Variants in HHIPL2 observed in about 807,000 individuals in gnomAD.
The protein encoded by HHIPL2 is HHIP-like protein 2.
A neutral mutation model predicts 61.0 loss-of-function variants in HHIPL2; 61 were observed. That is an observed-to-expected ratio of 1.00 (90% CI 0.81 to 1.24). HHIPL2 has a LOEUF of 1.24. Among genes scored for constraint, HHIPL2 ranks in the 50% most tolerant of loss-of-function variants. The pLI is 0.00. For synonymous variants in HHIPL2, 343 were observed against 357.4 expected (o/e 0.96, Z 0.45); for missense variants, 885 against 910.2 (o/e 0.97, Z 0.36).
rs748614628 is a variant in HHIPL2, at chr1:222,523,693, G to C, written c.1807C>G (p.Arg603Gly). Residue 603 changes from arginine (R) to glycine (G), a missense_variant and splice_region_variant, in exon 8 of 9, where the codon CGA (arginine) becomes GGA (glycine). Coordinates refer to ENST00000343410, the MANE Select transcript of HHIPL2 (RefSeq NM_024746.4). Reference sequence around the variant, plus strand: ...TATTTGCACTTGCCTGGGGGTGCTCGCCTAAAAACACAAACAGAAAGCATG... The same window carrying C: ...TATTTGCACTTGCCTGGGGGTGCTCCCCTAAAAACACAAACAGAAAGCATG... ...SIYKFVDPSR[R>G]APPGKCKYKP... The C allele has an allele frequency of 6.2e-7, 1 of 1,614,006 alleles. No homozygotes were observed. Among genetic ancestry groups the C allele is most frequent in the Admixed American group, 1.7e-5 (1 of 60,000 alleles).
chr1:222,531,296 C>T (rs974199998), intron 6 of HHIPL2, among the ~76,000 whole-genome samples: 2 of 152,200 alleles, frequency 1.3e-5, no homozygotes, highest in Admixed American at 6.5e-5. Flanking sequence ...CATAAACACC[C>T]GCTGCCCATT....
At chr1:222,537,267 TC>T (rs992359649) in intron 5 of HHIPL2, among the ~76,000 whole-genome samples, 28 of 151,486 alleles carry the variant, frequency 1.8e-4, no homozygotes, top group Non-Finnish European at 3.2e-4. Flanking sequence ...AAAGAAAATG[TC>T]CCCAGCCTGA....
intron 6 of HHIPL2, 66 bp from the exon 7 acceptor site, chr1:222,527,116 G>T: frequency 7.8e-7 from 1 of 1,274,166 alleles, no homozygotes; most frequent in Non-Finnish European, 1.1e-6. Flanking sequence ...AGAGTTGGAT[G>T]CACAGAAAAT....
At position 222,542,104 on chromosome 1, in the gene HHIPL2, A is replaced by T. The variant is rs1310198564; in HGVS notation, c.1026T>A (p.Leu342=). 1.2e-6 allele frequency: 2 copies of T among 1,614,020 alleles called. No homozygotes were observed. The highest frequency in any genetic ancestry group is 2.2e-5 in the South Asian group (2 of 91,064). Residue 342 remains leucine, a synonymous_variant, in exon 3 of 9, where the codon CTT becomes CTA. Transcript: ENST00000343410. ...EPASNHNGGQ[L]LFGLDGYMYI... ...ACATATAGCCATCCAGGCCAAAAAGAAGTTGTCCGCCATTATGGTTTGAGG... is the reference window on the plus strand; with the variant it reads ...ACATATAGCCATCCAGGCCAAAAAGTAGTTGTCCGCCATTATGGTTTGAGG...
chr1:222,522,532 C>T lies in HHIPL2; in HGVS notation c.*69G>A. The T allele has an allele frequency of 6.6e-7, 1 of 1,522,430 alleles. No individual in the cohort carries two copies. The highest frequency in any genetic ancestry group is 8.9e-7 in the Non-Finnish European group (1 of 1,121,988). 94.3% of individuals were successfully genotyped at this position (1,522,430 alleles called of 1,614,324 possible). ...CCAGACTTCTAAGGTCTTTATTCAG[C>T]AGTGACTTTCATTTGATGAGGTGGC... On this transcript the variant is annotated 3_prime_UTR_variant, in exon 9 of 9. Transcript: ENST00000343410.
chr1:222,540,571 A>G (rs1431813441), intron 3 of HHIPL2, among the ~76,000 whole-genome samples: 3 of 152,242 alleles, frequency 2.0e-5, no homozygotes, highest in Non-Finnish European at 4.4e-5. Flanking sequence ...GTTTGGCTCT[A>G]AGAGAACTAC....
chr1:222,547,042 G>T (rs969247553), intron 1 of HHIPL2, among the ~76,000 whole-genome samples: 1 of 152,184 alleles, frequency 6.6e-6, no homozygotes, highest in East Asian at 1.9e-4. Flanking sequence ...TTCCTACAAA[G>T]TCTGTGTGTG....
intron 5 of HHIPL2, among the ~76,000 whole-genome samples, chr1:222,534,392 T>C (rs1164749270): frequency 2.0e-5 from 3 of 151,972 alleles, no homozygotes; most frequent in Non-Finnish European, 4.4e-5. Flanking sequence ...ATTTAAACAA[T>C]GATTCTAAAC....
intron 6 of HHIPL2, among the ~76,000 whole-genome samples, chr1:222,531,557 G>A (rs755754770): frequency 1.3e-5 from 2 of 152,010 alleles, no homozygotes; most frequent in South Asian, 2.1e-4. Context: ...AGACCAGCAC[G>A]GCCAACACGG....
At chr1:222,546,946 A>G (rs1659568174) in intron 1 of HHIPL2, among the ~76,000 whole-genome samples, 2 of 152,264 alleles carry the variant, frequency 1.3e-5, no homozygotes, top group South Asian at 2.1e-4. Flanking sequence ...CTCCTCCCCA[A>G]CATCATTAGA....
chr1:222,526,495 C>T (rs920671292), intron 7 of HHIPL2, among the ~76,000 whole-genome samples: 7 of 151,826 alleles, frequency 4.6e-5, no homozygotes, highest in Non-Finnish European at 8.8e-5. Context: ...CACCTGAGGT[C>T]GGGAGTTCAA....
At chr1:222,542,599 T>C (rs1028649944) in intron 2 of HHIPL2, among the ~76,000 whole-genome samples, 2 of 146,520 alleles carry the variant, frequency 1.4e-5, no homozygotes, top group Non-Finnish European at 3.0e-5. Flanking sequence ...GGCGTGATCT[T>C]GGCTCACTGC....
At chr1:222,543,191 T>C (rs995010666) in intron 2 of HHIPL2, among the ~76,000 whole-genome samples, 2 of 152,226 alleles carry the variant, frequency 1.3e-5, no homozygotes, top group African/African-American at 4.8e-5. Flanking sequence ...GTAAAGGCCC[T>C]GGGATCTAAT....
In HHIPL2 at chr1:222,543,955, T is replaced by C. The variant is rs1659497877; in HGVS notation, c.556A>G (p.Arg186Gly). The change falls in exon 2 of 9, where the codon AGG becomes GGG. Residue 186 changes from arginine to glycine, a missense_variant. By Grantham distance (125) the Arg-to-Gly change is moderately radical. Transcript: ENST00000343410. Reference sequence around the variant, plus strand: ...AGGTGGCGGTTGAGATAGTCGTTCCTCAGGACATTAGGGAAGCAATAGTCC... The same window carrying C: ...AGGTGGCGGTTGAGATAGTCGTTCCCCAGGACATTAGGGAAGCAATAGTCC... ...DKDYCFPNVL[R>G]NDYLNRHLGM... The C allele has an allele frequency of 1.9e-6, 3 of 1,614,164 alleles. No individual in the cohort carries two copies. The East Asian group carries it at 6.7e-5, about 36-fold the overall frequency.
chr1:222,522,725 G>GAA lies in HHIPL2; in HGVS notation c.2050_2051insTT (p.Thr684IlefsTer21). 2 of 1,614,046 alleles carry GAA rather than the reference G, an allele frequency of 1.2e-6. No individual in the cohort carries two copies. The highest frequency in any genetic ancestry group is 3.3e-5 in the Admixed American group (2 of 60,024). On this transcript the variant is annotated frameshift_variant, in exon 9 of 9. Coordinates refer to ENST00000343410, the MANE Select transcript of HHIPL2 (RefSeq NM_024746.4). LOFTEE classifies it low-confidence loss of function (END_TRUNC). ...GGGCCCCACTCTGGCTTTCTTCTTT[G>GAA]TACCAGGCCCTCGCAATGTATTCTT...
At position 222,548,018 on chromosome 1, in the gene HHIPL2, C is replaced by G; in HGVS notation, c.27G>C (p.Leu9=). Residue 9 remains leucine (L), a synonymous_variant, in exon 1 of 9, where the codon CTG becomes CTC. Coordinates refer to ENST00000343410, the MANE Select transcript of HHIPL2 (RefSeq NM_024746.4). Reference sequence around the variant, plus strand: ...GGGCCCGGCAATGCAGACCACCACACAGATTAGGAGTGGACGTTCTCAGCA... The same window carrying G: ...GGGCCCGGCAATGCAGACCACCACAGAGATTAGGAGTGGACGTTCTCAGCA... MLRTSTPN[L]CGGLHCRAPW... 6.3e-7 allele frequency: 1 copy of G among 1,591,708 alleles called. No individual in the cohort carries two copies. The highest frequency in any genetic ancestry group is 8.6e-7 in the Non-Finnish European group (1 of 1,168,046).
At chr1:222,541,452 C>T (rs1006855647) in intron 3 of HHIPL2, among the ~76,000 whole-genome samples, 1 of 152,164 alleles carries the variant, frequency 6.6e-6, no homozygotes, top group Non-Finnish European at 1.5e-5. Context: ...TTCATTCATT[C>T]CATGTGTAAT....
intron 4 of HHIPL2, chr1:222,538,978 T>C: frequency 1.9e-6 from 1 of 533,196 alleles, no homozygotes; most frequent in East Asian, 3.2e-5. Flanking sequence ...CCTACTTAAC[T>C]GCTATCTGCA....
At position 222,542,022 on chromosome 1, in the gene HHIPL2, C is replaced by T. The variant is rs1297900910; in HGVS notation, c.1108G>A (p.Ala370Thr). Residue 370 changes from alanine to threonine, a missense_variant, in exon 3 of 9, where the codon GCT (alanine) becomes ACT (threonine). By Grantham distance (58) the Ala-to-Thr change is moderately conservative (BLOSUM62 0). Transcript: ENST00000343410. ...AGDPFGLFGN[A>T]QNKSSLLGKV... ...CCCCATCCAGCTTACTTGTTCTGAG[C>T]ATTTCCAAACAGGCCAAAGGGATCT... is the stretch of plus-strand genomic sequence containing the variant. The T allele has an allele frequency of 6.2e-7, 1 of 1,612,012 alleles. No individual in the cohort carries two copies. The highest frequency in any genetic ancestry group is 1.7e-5 in the Admixed American group (1 of 59,364).
Sources: allele counts gnomAD v4.1 joint callset (sites outside exome capture counted in the v4.1 genomes callset), GRCh38; gene constraint gnomAD v4.1.1; transcripts MANE v1.5; gene names NCBI Gene and HGNC (gene_info 2026-07-23, HGNC 2026-07-21).